Variants in REL observed in about 807,000 individuals in gnomAD.
REL encodes proto-oncogene c-Rel.
In REL, 15 loss-of-function variants were observed where a neutral mutation model predicts 45.9. The ratio of observed to expected loss-of-function variants is 0.33; its 90% CI spans 0.22 to 0.50. The LOEUF (loss-of-function observed/expected upper bound fraction) is 0.50. Ranked by LOEUF, REL falls within the 20% of genes least tolerant of loss-of-function variation. The pLI, the probability that REL is intolerant of heterozygous loss-of-function variation, is 0.98. For synonymous variants in REL, 239 were observed against 242.1 expected, an observed-to-expected ratio of 0.99 and a Z score of 0.12; for missense variants, 601 against 715.2, an observed-to-expected ratio of 0.84 and a Z score of 1.82.
chr2:60,899,905 A>G (rs1390550568), intron 3 of REL: 2 of 152,356 alleles, frequency 1.3e-5, no homozygotes, highest in African/African-American at 4.8e-5. Context: ...TAATACAAAA[A>G]CATTTTAGTA....
intron 4 of REL, among the ~76,000 whole-genome samples, chr2:60,901,588 T>A: frequency 6.6e-6 from 1 of 152,250 alleles, no homozygotes; most frequent in Non-Finnish European, 1.5e-5. Flanking sequence ...AAAAATCTTA[T>A]GCACAGAGAG....
chr2:60,906,391 G>A (rs1673651576), intron 4 of REL, among the ~76,000 whole-genome samples: 1 of 152,080 alleles, frequency 6.6e-6, no homozygotes, highest in South Asian at 2.1e-4. Flanking sequence ...TTTACAATCA[G>A]TGGTTCCCAA....
intron 3 of REL, among the ~76,000 whole-genome samples, chr2:60,897,589 T>C (rs974380228): frequency 6.6e-6 from 1 of 152,118 alleles, no homozygotes; most frequent in African/African-American, 2.4e-5. Flanking sequence ...ATTACAGGCA[T>C]GAGCCACCGT....
chr2:60,904,934 A>G (rs1673600675), intron 4 of REL, among the ~76,000 whole-genome samples: 1 of 152,146 alleles, frequency 6.6e-6, no homozygotes, highest in South Asian at 2.1e-4. Flanking sequence ...TATATAGCTG[A>G]TGAGTGGTAG....
At chr2:60,885,650 A>G (rs1175876742) in intron 1 of REL, among the ~76,000 whole-genome samples, 4 of 152,218 alleles carry the variant, frequency 2.6e-5, no homozygotes, top group Non-Finnish European at 4.4e-5. Context: ...TAGTTTGAGG[A>G]AAAAAATAAT....
rs148950858 is a variant in REL, at chr2:60,911,818, A to G, written c.395-5059A>G. Among the ~76,000 whole-genome samples the G allele has an allele frequency of 3.3e-3, 500 of 151,896 alleles. 6 individuals carry two copies. The highest frequency in any genetic ancestry group is 0.012 in the African/African-American group (479 of 41,444). On this transcript the variant is annotated intron_variant, in intron 4 of 9. Transcript: ENST00000394479. ...GGTTGAGACCATCCTGGCCAAGATG[A>G]TGAAACCCCATCTCTACTTAAAATA...
chr2:60,922,457 TAGTC>T lies in REL; in HGVS notation c.1690_1693del (p.Gln564IlefsTer12), dbSNP rs748714005. On this transcript the variant is annotated frameshift_variant, in exon 10 of 10. Coordinates refer to ENST00000394479, the MANE Select transcript of REL (RefSeq NM_001291746.2). LOFTEE classifies it high-confidence loss of function. ...CAAACAGTCATGGTTTTGTTCAAGA[TAGTC>T]AGTATTCAGGTATTGGCAGTATGCA... 7 of 1,613,992 alleles carry T rather than the reference TAGTC, an allele frequency of 4.3e-6. No homozygotes were observed. The highest frequency in any genetic ancestry group is 1.1e-5 in the South Asian group (1 of 91,082).
intron 4 of REL, among the ~76,000 whole-genome samples, chr2:60,907,306 G>A (rs577451479): frequency 4.8e-4 from 73 of 152,216 alleles, no homozygotes; most frequent in African/African-American, 1.7e-3. Flanking sequence ...TGGAGGATGA[G>A]GACTGTCTTC....
At chr2:60,893,763 C>T (rs1673281222) in intron 2 of REL, among the ~76,000 whole-genome samples, 1 of 152,152 alleles carries the variant, frequency 6.6e-6, no homozygotes, top group African/African-American at 2.4e-5. Flanking sequence ...CTGCTTTGTT[C>T]TTGCAACTTT....
At position 60,927,465 on chromosome 2, in the gene REL, T is replaced by A. The variant is rs770332258; in HGVS notation, c.*4930T>A. The A allele has an allele frequency of 1.6e-4, 36 of 230,282 alleles. No homozygotes were observed. The highest frequency in any genetic ancestry group is 2.8e-4 in the Non-Finnish European group (32 of 116,166). 14.3% of individuals were successfully genotyped at this position (230,282 alleles called of 1,614,324 possible). A position where few individuals can be genotyped will look rare whatever the true frequency, so the allele number is the denominator to read the frequency against. On this transcript the variant is annotated 3_prime_UTR_variant, in exon 10 of 10. Coordinates refer to ENST00000394479, the MANE Select transcript of REL (RefSeq NM_001291746.2). ...AGTGTCAACTGTATTATGTAGAAATTCTAAAGTTTTTGGGATTATTTCATA... is the reference window on the plus strand; with the variant it reads ...AGTGTCAACTGTATTATGTAGAAATACTAAAGTTTTTGGGATTATTTCATA...
rs750505075 is a variant in REL at position 60,918,296 on chromosome 2, G to GTATT, written c.640+11_640+14dup. 5 of 1,576,246 alleles carry GTATT rather than the reference G, an allele frequency of 3.2e-6. No homozygotes were observed. The East Asian group carries it at 9.0e-5, about 28-fold the overall frequency. ...CTACTTTGTGACAAAGTTCAGAAAG[G>GTATT]TATTTATTTATTTCATTGAATTTAG... On this transcript the variant is annotated splice_donor_variant, in intron 6 of 9. Transcript: ENST00000394479. LOFTEE classifies it high-confidence loss of function.
Position 60,918,542 on chromosome 2 carries a change from G to A in REL, c.789G>A (p.Leu263=), listed in dbSNP as rs768262533. Residue 263 remains leucine (L), a synonymous_variant, in exon 7 of 10, where the codon TTG becomes TTA. Transcript: ENST00000394479. The part of the protein sequence containing the change: ...ITEPVTVKMQ[L]RRPSDQEVSE... Reference sequence around the variant, plus strand: ...AACCCGTAACAGTAAAAATGCAGTTGCGGAGACCTTCTGACCAGGAAGTTA... The same window carrying A: ...AACCCGTAACAGTAAAAATGCAGTTACGGAGACCTTCTGACCAGGAAGTTA... 3 of 1,613,914 alleles carry A rather than the reference G, an allele frequency of 1.9e-6. No homozygotes were observed. The African/African-American group carries it at 4.0e-5, about 22-fold the overall frequency.
intron 1 of REL, among the ~76,000 whole-genome samples, chr2:60,884,672 A>C (rs956542650): frequency 6.6e-6 from 1 of 152,160 alleles, no homozygotes; most frequent in African/African-American, 2.4e-5. Context: ...TAGCTCTGTT[A>C]ACTAATAATT....
chr2:60,895,665 A>G (rs1333001373), intron 3 of REL, among the ~76,000 whole-genome samples: 1 of 152,248 alleles, frequency 6.6e-6, no homozygotes, highest in African/African-American at 2.4e-5. Context: ...TCATGTTAGA[A>G]TGTAAATTAA....
In REL at chr2:60,927,776, G is replaced by C. The variant is rs1049681412; in HGVS notation, c.*5241G>C. ...AAAGGGGACTAATTTTAAATGTACA[G>C]CTTAATTAATTTTTATGTATGTTAA... is the stretch of plus-strand genomic sequence containing the variant. On this transcript the variant is annotated 3_prime_UTR_variant, in exon 10 of 10. Coordinates refer to ENST00000394479, the MANE Select transcript of REL (RefSeq NM_001291746.2). 3.5e-5 allele frequency: 8 copies of C among 228,658 alleles called. No homozygotes were observed. The highest frequency in any genetic ancestry group is 5.2e-5 in the Non-Finnish European group (6 of 115,176). The allele number at this position is 228,658 out of a possible 1,614,324, so 14.2% of individuals were successfully genotyped here.
intron 3 of REL, 91 bp downstream of exon 3, chr2:60,894,636 A>C: frequency 2.9e-6 from 3 of 1,028,976 alleles, no homozygotes; most frequent in Non-Finnish European, 4.0e-6. Flanking sequence ...TTTTTAGCAG[A>C]ATAATTTTCT....
rs1443001603 is a variant in REL at position 60,931,274 on chromosome 2, G to A, written c.*8739G>A. 1 of 152,324 alleles carries A rather than the reference G, an allele frequency of 6.6e-6. No homozygotes were observed. Among genetic ancestry groups the A allele is most frequent in the East Asian group, 1.9e-4 (1 of 5,346 alleles). The allele number at this position is 152,324 out of a possible 1,614,324, so 9.4% of individuals were successfully genotyped here. The stretch of plus-strand genomic sequence containing the variant: ...TCTTAAATGTATGGTTTTTGACCAG[G>A]TGAACCCTTTAGAAGTGATTTCTGT... On this transcript the variant is annotated 3_prime_UTR_variant, in exon 10 of 10. Transcript: ENST00000394479.
intron 4 of REL, among the ~76,000 whole-genome samples, chr2:60,916,422 C>T (rs1220933633): frequency 1.3e-5 from 2 of 152,108 alleles, no homozygotes; most frequent in East Asian, 1.9e-4. Flanking sequence ...GTCAAAAAAA[C>T]GAACTAAACT....
chr2:60,883,011 G>T (rs920525618), intron 1 of REL, among the ~76,000 whole-genome samples: 2 of 152,128 alleles, frequency 1.3e-5, no homozygotes, highest in Admixed American at 1.3e-4. Context: ...CCGGGGCGGG[G>T]GGATAAATCA....
Sources: allele counts gnomAD v4.1 joint callset (sites outside exome capture counted in the v4.1 genomes callset), GRCh38; gene constraint gnomAD v4.1.1; transcripts MANE v1.5; gene names NCBI Gene and HGNC (gene_info 2026-07-23, HGNC 2026-07-21).